RAP1GDS1: variants seen among roughly 807,000 people sequenced by gnomAD.
The protein encoded by RAP1GDS1 is RAP1, GTP-GDP dissociation stimulator 1.
RAP1GDS1 carries 35 observed loss-of-function variants against 71.1 expected under a neutral mutation model. The observed-to-expected ratio is 0.49, with a 90% CI of 0.38 to 0.65. The LOEUF is 0.65. Among genes scored for constraint, RAP1GDS1 ranks in the 30% least tolerant of loss-of-function variants. The pLI is 0.00. For synonymous variants in RAP1GDS1, 229 were observed against 243.1 expected (o/e 0.94, Z 0.54); for missense variants, 663 against 706.1 (o/e 0.94, Z 0.69).
chr4:98,338,673 T>C (rs1735073874), intron 2 of RAP1GDS1, among the ~76,000 whole-genome samples: 1 of 152,206 alleles, frequency 6.6e-6, no homozygotes, highest in South Asian at 2.1e-4. Flanking sequence ...TAAGTAAAAC[T>C]TAAAATGTTT....
At chr4:98,327,084 G>A (rs1419484209) in intron 2 of RAP1GDS1, among the ~76,000 whole-genome samples, 1 of 152,046 alleles carries the variant, frequency 6.6e-6, no homozygotes, top group Non-Finnish European at 1.5e-5. Flanking sequence ...TTCTTCTACT[G>A]GAGTACAGTA....
chr4:98,397,895 A>G (rs1164137665), intron 6 of RAP1GDS1, among the ~76,000 whole-genome samples: 5 of 152,110 alleles, frequency 3.3e-5, no homozygotes, highest in Admixed American at 6.6e-5. Flanking sequence ...CCACAGTTTT[A>G]TTGCCCCATT....
intron 4 of RAP1GDS1, among the ~76,000 whole-genome samples, chr4:98,376,607 T>C (rs571030334): frequency 6.6e-6 from 1 of 152,126 alleles, no homozygotes. Context: ...AAAAAATGCT[T>C]TTACTGTGTT....
At position 98,442,832 on chromosome 4, in the gene RAP1GDS1, T is replaced by C. The variant is rs192641199; in HGVS notation, c.*715T>C. ...AACTAAGGGGTTGAAGAATCACTAT[T>C]ACAATCCCTATTACAGAGCATTTCG... On this transcript the variant is annotated 3_prime_UTR_variant, in exon 15 of 15. Transcript: ENST00000408927. 1.5e-4 allele frequency: 34 copies of C among 230,470 alleles called. 1 individual carries two copies. In the East Asian group the frequency reaches 2.0e-3, roughly 14 times the overall value. 14.3% of individuals were successfully genotyped at this position (230,470 alleles called of 1,614,324 possible). A position where few individuals can be genotyped will look rare whatever the true frequency, so the allele number is the denominator to read the frequency against.
chr4:98,330,605 C>A (rs1044533421), intron 2 of RAP1GDS1, among the ~76,000 whole-genome samples: 1 of 151,186 alleles, frequency 6.6e-6, no homozygotes, highest in Non-Finnish European at 1.5e-5. Context: ...CAGAGGCGCT[C>A]CCCACATCCC....
intron 7 of RAP1GDS1, among the ~76,000 whole-genome samples, chr4:98,411,229 C>T (rs1370352054): frequency 6.6e-6 from 1 of 152,142 alleles, no homozygotes; most frequent in Non-Finnish European, 1.5e-5. Context: ...TCTTGCTAAT[C>T]CTAATTAAGG....
intron 4 of RAP1GDS1, among the ~76,000 whole-genome samples, chr4:98,367,911 A>G (rs911942783): frequency 6.6e-6 from 1 of 152,078 alleles, no homozygotes; most frequent in Non-Finnish European, 1.5e-5. Flanking sequence ...TGGACTGTGG[A>G]CTTTTGAGTT....
At chr4:98,305,891 A>C (rs1729251835) in intron 2 of RAP1GDS1, among the ~76,000 whole-genome samples, 1 of 152,218 alleles carries the variant, frequency 6.6e-6, no homozygotes, top group African/African-American at 2.4e-5. Context: ...AAAATGTGTA[A>C]GAGAGAAATG....
chr4:98,306,539 C>A (rs906798795), intron 2 of RAP1GDS1, among the ~76,000 whole-genome samples: 5 of 152,128 alleles, frequency 3.3e-5, no homozygotes, highest in African/African-American at 1.2e-4. Flanking sequence ...ACCACAGCAC[C>A]CACTATGTCC....
intron 2 of RAP1GDS1, among the ~76,000 whole-genome samples, chr4:98,311,711 A>G (rs998640020): frequency 6.6e-5 from 10 of 152,192 alleles, no homozygotes; most frequent in Non-Finnish European, 1.5e-4. Context: ...ATCCATGCTC[A>G]CGGCAGCGTT....
At chr4:98,371,141 GTC>G (rs1277041396) in intron 4 of RAP1GDS1, among the ~76,000 whole-genome samples, 9 of 142,230 alleles carry the variant, frequency 6.3e-5, no homozygotes, top group Admixed American at 5.7e-4. Flanking sequence ...TTGAGACGAA[GTC>G]TCTCTGTCAC....
At position 98,348,495 on chromosome 4, in the gene RAP1GDS1, C is replaced by G. The variant is rs1386699143; in HGVS notation, c.236-3981C>G. Among the ~76,000 whole-genome samples, 3 of 152,106 alleles carry G rather than the reference C, an allele frequency of 2.0e-5. 1 individual carries two copies. Among genetic ancestry groups the G allele is most frequent in the African/African-American group, 7.2e-5 (3 of 41,416 alleles). On this transcript the variant is annotated intron_variant, in intron 3 of 14. Coordinates refer to ENST00000408927, the MANE Select transcript of RAP1GDS1 (RefSeq NM_001100427.2). The stretch of plus-strand genomic sequence containing the variant: ...GGGTATATACCCAGTAATGGGATTG[C>G]TGGGTCAAATGGTATTTCTAGTTCT...
chr4:98,263,031 T>A (rs1456069321), intron 1 of RAP1GDS1, among the ~76,000 whole-genome samples: 1 of 152,256 alleles, frequency 6.6e-6, no homozygotes, highest in Non-Finnish European at 1.5e-5. Flanking sequence ...TGCCTTTCTC[T>A]TAAAGTAGAT....
At chr4:98,282,422 G>T (rs1725255681) in intron 1 of RAP1GDS1, among the ~76,000 whole-genome samples, 1 of 152,024 alleles carries the variant, frequency 6.6e-6, no homozygotes, top group South Asian at 2.1e-4. Flanking sequence ...ATTCTCTGAT[G>T]GTAGTTTATA....
chr4:98,346,619 A>G (rs1489377501), intron 3 of RAP1GDS1, among the ~76,000 whole-genome samples: 4 of 150,948 alleles, frequency 2.6e-5, no homozygotes, highest in African/African-American at 7.3e-5. Context: ...ATCTCAGCTC[A>G]CTGCAAGCTC....
intron 7 of RAP1GDS1, among the ~76,000 whole-genome samples, chr4:98,415,516 C>A (rs181996604): frequency 0.068 from 10,417 of 152,166 alleles, 400 homozygotes; most frequent in Admixed American, 0.14. Context: ...GCCAGTCCCA[C>A]CATTTGGGGT....
intron 2 of RAP1GDS1, among the ~76,000 whole-genome samples, chr4:98,303,857 A>G (rs530116622): frequency 6.6e-6 from 1 of 151,832 alleles, no homozygotes; most frequent in East Asian, 1.9e-4. Context: ...CTCCCTCCCC[A>G]TAACCCCCTC....
At chr4:98,298,735 C>T (rs554409869) in intron 2 of RAP1GDS1, among the ~76,000 whole-genome samples, 3 of 152,058 alleles carry the variant, frequency 2.0e-5, no homozygotes, top group Admixed American at 6.6e-5. Context: ...ACACAACATC[C>T]GTGGATGAAG....
intron 2 of RAP1GDS1, among the ~76,000 whole-genome samples, chr4:98,312,765 G>A (rs188428678): frequency 3.4e-4 from 52 of 151,682 alleles, no homozygotes; most frequent in East Asian, 2.7e-3. Flanking sequence ...AGGTATGGGC[G>A]GGGGGAGAGA....
Sources: gnomAD v4.1 joint callset for allele counts (sites outside exome capture counted in the v4.1 genomes callset) on GRCh38, gnomAD v4.1.1 for gene constraint, MANE v1.5 for transcripts, NCBI Gene and HGNC (gene_info 2026-07-23, HGNC 2026-07-21) for gene names.